The following MAST4 variants were observed in gnomAD, a reference collection of about 807,000 sequenced individuals.
MAST4 encodes microtubule-associated serine/threonine-protein kinase 4.
In MAST4, 89 loss-of-function variants were observed where a neutral mutation model predicts 162.7. The ratio of observed to expected loss-of-function variants is 0.55; its 90% confidence interval spans 0.46 to 0.65. The LOEUF is 0.65. Among genes scored for constraint, MAST4 ranks in the 30% least tolerant of loss-of-function variants. MAST4 has a pLI of 0.00. For synonymous variants in MAST4, 1,479 were observed against 1,361.1 expected (o/e 1.09, Z -1.91); for missense variants, 3,153 against 3,374.0 (o/e 0.93, Z 1.62).
chr5:66,750,221 G>T (rs1409558379), intron 1 of MAST4, among the ~76,000 whole-genome samples: 1 of 152,284 alleles, frequency 6.6e-6, no homozygotes, highest in East Asian at 1.9e-4. Flanking sequence ...TGATCCCTTT[G>T]AACTAATGAA....
chr5:66,686,079 G>T lies in MAST4; in HGVS notation c.364-73630G>T, dbSNP rs561841318. ...GGGGCTCACTTCCTAACAGGCCACG[G>T]ACTGGTCTGTGGCCTGGGTGTCGCG... On this transcript the variant is annotated intron_variant, in intron 1 of 28. Coordinates refer to ENST00000403625, the MANE Select transcript of MAST4 (RefSeq NM_001164664.2). 1.2e-4 allele frequency among the ~76,000 whole-genome samples: 18 copies of T among 152,218 alleles called. No homozygotes were observed. In the East Asian group the frequency reaches 3.3e-3, roughly 28 times the overall value.
At chr5:67,073,540 G>A (rs1021001071) in intron 5 of MAST4, among the ~76,000 whole-genome samples, 2 of 152,138 alleles carry the variant, frequency 1.3e-5, no homozygotes, top group African/African-American at 4.8e-5. Flanking sequence ...GCTTACAGTG[G>A]TAACTTGATG....
intron 3 of MAST4, chr5:66,792,352 A>G (rs1755453399): frequency 6.0e-6 from 1 of 167,766 alleles, no homozygotes; most frequent in African/African-American, 2.4e-5. Context: ...GACATGTATC[A>G]TGGCACACCT....
chr5:67,063,740 T>TTG (rs1486362988), intron 5 of MAST4, among the ~76,000 whole-genome samples: 1 of 152,184 alleles, frequency 6.6e-6, no homozygotes, highest in Non-Finnish European at 1.5e-5. Flanking sequence ...TTTGTTGTGT[T>TTG]TGTGTATCCA....
At chr5:66,931,561 T>A (rs1454206890) in intron 4 of MAST4, among the ~76,000 whole-genome samples, 2 of 152,214 alleles carry the variant, frequency 1.3e-5, no homozygotes, top group Non-Finnish European at 2.9e-5. Context: ...GTTATTATAG[T>A]TGTCACTTGA....
chr5:66,637,026 G>A (rs1745165493), intron 1 of MAST4, among the ~76,000 whole-genome samples: 1 of 152,202 alleles, frequency 6.6e-6, no homozygotes, highest in Non-Finnish European at 1.5e-5. Flanking sequence ...CTGTGGAAAT[G>A]TTGGTAACCT....
chr5:67,068,587 G>A (rs977096798), intron 5 of MAST4, among the ~76,000 whole-genome samples: 1 of 152,154 alleles, frequency 6.6e-6, no homozygotes. Context: ...GAGATTTTGG[G>A]TGGGGACACA....
chr5:66,993,904 A>G (rs898333384), intron 4 of MAST4, among the ~76,000 whole-genome samples: 47 of 145,312 alleles, frequency 3.2e-4, no homozygotes, highest in Non-Finnish European at 2.4e-4. Flanking sequence ...TTATAGAATC[A>G]ATGGGTGTGC....
intron 1 of MAST4, among the ~76,000 whole-genome samples, chr5:66,700,316 C>T (rs1393464339): frequency 6.6e-6 from 1 of 152,140 alleles, no homozygotes; most frequent in South Asian, 2.1e-4. Flanking sequence ...CCATTGTAAC[C>T]CCATACAAAT....
rs58766667 is a variant in MAST4 at position 66,760,077 on chromosome 5, C to CAATTTATTTATTTATT, written c.517+215_517+216insAATTTATTTATTTATT. Among the ~76,000 whole-genome samples, 505 of 147,256 alleles carry CAATTTATTTATTTATT rather than the reference C, an allele frequency of 3.4e-3. 8 individuals carry two copies. Among genetic ancestry groups the CAATTTATTTATTTATT allele is most frequent in the African/African-American group, 8.4e-3 (333 of 39,650 alleles). On this transcript the variant is annotated intron_variant, in intron 2 of 28. Coordinates refer to ENST00000403625, the MANE Select transcript of MAST4 (RefSeq NM_001164664.2). ...AATTTACATGCAGTGACAATATCCCCTATTTATTTATTTATTTATTTATTT... is the reference window on the plus strand; with the variant it reads ...AATTTACATGCAGTGACAATATCCCCAATTTATTTATTTATTTATTTATTTATTTATTTATTTATTT...
intron 5 of MAST4, among the ~76,000 whole-genome samples, chr5:67,088,895 G>A (rs142126174): frequency 5.1e-4 from 77 of 152,248 alleles, no homozygotes; most frequent in African/African-American, 1.8e-3. Flanking sequence ...GAGAAATTTC[G>A]GTAGAGATAT....
Position 66,636,707 on chromosome 5 carries a change from G to A in MAST4, c.363+39689G>A, listed in dbSNP as rs531233598. On this transcript the variant is annotated intron_variant, in intron 1 of 28. Transcript: ENST00000403625. ...CTGGGGTGTAGCTTTCCTGTGTTGC[G>A]TGTTTTCTATGGCACAAATGGCCAG... Among the ~76,000 whole-genome samples, 544 of 152,266 alleles carry A rather than the reference G, an allele frequency of 3.6e-3. 4 individuals carry two copies. The highest frequency in any genetic ancestry group is 0.012 in the African/African-American group (500 of 41,558).
At chr5:67,052,207 A>G (rs574921635) in intron 4 of MAST4, among the ~76,000 whole-genome samples, 1 of 152,138 alleles carries the variant, frequency 6.6e-6, no homozygotes, top group Non-Finnish European at 1.5e-5. Flanking sequence ...TTCACTCTAC[A>G]TTGCATTCAT....
rs188285175 is a variant in MAST4, at chr5:67,149,534, G to A, written c.3240G>A (p.Ser1080=). 8.1e-5 allele frequency: 130 copies of A among 1,613,790 alleles called. No homozygotes were observed. The East Asian group carries it at 1.9e-3, about 24-fold the overall frequency. ...RLESTEKKKI[S]GKVTKSLSAS... is the part of the protein sequence containing the mutation. ...AAAGCACAGAAAAAAAGAAAATCTCGGGGAAAGTCACAAAGTCCCTCTCTG... is the reference window on the plus strand; with the variant it reads ...AAAGCACAGAAAAAAAGAAAATCTCAGGGAAAGTCACAAAGTCCCTCTCTG... Residue 1080 remains serine (S), a synonymous_variant, in exon 24 of 29, where the codon TCG becomes TCA. Coordinates refer to ENST00000403625, the MANE Select transcript of MAST4 (RefSeq NM_001164664.2).
At chr5:67,117,327 C>G (rs1488057723) in intron 12 of MAST4, among the ~76,000 whole-genome samples, 1 of 152,058 alleles carries the variant, frequency 6.6e-6, no homozygotes, top group East Asian at 1.9e-4. Flanking sequence ...GGAATTTCCC[C>G]TATAGGTAAA....
intron 2 of MAST4, among the ~76,000 whole-genome samples, chr5:66,774,358 T>C (rs368002652): frequency 5.9e-5 from 9 of 152,236 alleles, no homozygotes; most frequent in Admixed American, 4.6e-4. Context: ...TATACGTAAA[T>C]AACAGTAAAC....
intron 1 of MAST4, among the ~76,000 whole-genome samples, chr5:66,645,365 G>C (rs1745762325): frequency 6.6e-6 from 1 of 152,130 alleles, no homozygotes; most frequent in Non-Finnish European, 1.5e-5. Context: ...TTTTGTTCTT[G>C]AAGACTGTGA....
chr5:66,845,506 G>A (rs1431916471), intron 3 of MAST4, among the ~76,000 whole-genome samples: 2 of 151,966 alleles, frequency 1.3e-5, no homozygotes, highest in East Asian at 1.9e-4. Flanking sequence ...TCTTAATCCA[G>A]TCTATCATTG....
At chr5:66,748,373 T>G (rs1752896875) in intron 1 of MAST4, among the ~76,000 whole-genome samples, 1 of 91,084 alleles carries the variant, frequency 1.1e-5, no homozygotes, top group Admixed American at 1.2e-4. Context: ...GCAGGATTTA[T>G]AGGACCCCTT....
Sources: gnomAD v4.1 joint callset for allele counts (sites outside exome capture counted in the v4.1 genomes callset) on GRCh38, gnomAD v4.1.1 for gene constraint, MANE v1.5 for transcripts, NCBI Gene and HGNC (gene_info 2026-07-23, HGNC 2026-07-21) for gene names.